Variants in ADCK2 observed in about 807,000 individuals in gnomAD.
The protein encoded by ADCK2 is aarF domain containing kinase 2.
A neutral mutation model predicts 52.3 loss-of-function variants in ADCK2; 37 were observed. The observed-to-expected ratio is 0.71, with a 90% CI of 0.54 to 0.93. The LOEUF is 0.93. ADCK2 is among the 40% of genes least tolerant of loss of function. The pLI is 0.00. For synonymous variants in ADCK2, 321 were observed against 349.2 expected (o/e 0.92, Z 0.90); for missense variants, 695 against 798.7 (o/e 0.87, Z 1.56).
chr7:140,691,635 C>G (rs767311150), intron 7 of ADCK2, among the ~76,000 whole-genome samples: 8 of 152,242 alleles, frequency 5.3e-5, no homozygotes, highest in Non-Finnish European at 7.3e-5. Flanking sequence ...GTCATGGAGC[C>G]TAGTCTCCGG....
chr7:140,689,791 T>G, intron 6 of ADCK2, 66 bp downstream of exon 6: 1 of 1,511,902 alleles, frequency 6.6e-7, no homozygotes. Flanking sequence ...GAGCAGATCC[T>G]GGGTCTAAGG....
Position 140,694,732 on chromosome 7 carries a change from C to G in ADCK2, c.1810C>G (p.Leu604Val). The change falls in exon 8 of 8, where the codon CTG becomes GTG. Residue 604 changes from leucine (L) to valine (V), a missense_variant. Physicochemically the swap from Leu to Val is conservative, Grantham distance 32 (BLOSUM62 1). Coordinates refer to ENST00000072869, the MANE Select transcript of ADCK2 (RefSeq NM_052853.4). ...GGTGTTGGAGGGGCTTGGCCGCTCA[C>G]TGGACCCCAAACTGGACATCCTGGA... Reference protein sequence around the residue: ...IMVLEGLGRSLDPKLDILEAA... With the variant: ...IMVLEGLGRSVDPKLDILEAA... 1 of 1,614,212 alleles carries G rather than the reference C, an allele frequency of 6.2e-7. No individual in the cohort carries two copies. Among genetic ancestry groups the G allele is most frequent in the Non-Finnish European group, 8.5e-7 (1 of 1,180,032 alleles).
Position 140,678,739 on chromosome 7 carries a change from C to T in ADCK2, c.1081-416C>T, listed in dbSNP as rs1326195452. Among the ~76,000 whole-genome samples the T allele has an allele frequency of 2.6e-5, 4 of 151,968 alleles. No individual in the cohort carries two copies. The highest frequency in any genetic ancestry group is 1.9e-4 in the East Asian group (1 of 5,164). On this transcript the variant is annotated intron_variant, in intron 2 of 7. Coordinates refer to ENST00000072869, the MANE Select transcript of ADCK2 (RefSeq NM_052853.4). This position sits in a 1 kb window ranked among gnomAD's most constrained non-coding sequence, Gnocchi z 4.9. ...GTCGATGCGGTGGGTGGAGAGCTGC[C>T]GCGAGATGAAGGGGTAGCCCTGTGT...
chr7:140,673,617 A>G lies in ADCK2; in HGVS notation c.287A>G (p.His96Arg), dbSNP rs753480742. 116 of 1,608,830 alleles carry G rather than the reference A, an allele frequency of 7.2e-5. No homozygotes were observed. Among genetic ancestry groups the G allele is most frequent in the Non-Finnish European group, 9.7e-5 (115 of 1,179,868 alleles). Residue 96 changes from histidine (H) to arginine (R), a missense_variant, in exon 1 of 8, where the codon CAT (histidine) becomes CGT (arginine). His to Arg is a conservative substitution (Grantham distance 29, BLOSUM62 0). Transcript: ENST00000072869. The surrounding 1 kb of genome is among the most constrained non-coding windows in gnomAD (Gnocchi z 6.4). Reference protein sequence around the residue: ...RAGPLGGVFLHLRLWLRAGAL... With the variant: ...RAGPLGGVFLRLRLWLRAGAL... ...GGACCTCTGGGCGGCGTCTTCCTGC[A>G]TCTCCGCCTCTGGCTTCGCGCCGGC...
intron 7 of ADCK2, 25 bp downstream of exon 7, chr7:140,690,838 C>T (rs780576901): frequency 1.2e-6 from 2 of 1,610,838 alleles, no homozygotes; most frequent in East Asian, 4.5e-5. Flanking sequence ...GAGGGGAGGT[C>T]TCTGGGGAAG....
At position 140,674,279 on chromosome 7, in the gene ADCK2, G is replaced by A; in HGVS notation, c.933+16G>A. The A allele has an allele frequency of 6.3e-7, 1 of 1,594,164 alleles. No individual in the cohort carries two copies. Among genetic ancestry groups the A allele is most frequent in the South Asian group, 1.1e-5 (1 of 88,886 alleles). On this transcript the variant is annotated intron_variant, in intron 1 of 7. Coordinates refer to ENST00000072869, the MANE Select transcript of ADCK2 (RefSeq NM_052853.4). The surrounding 1 kb of genome is among the most constrained non-coding windows in gnomAD (Gnocchi z 4.6). ...GGCAGTGAAAGTAAGTGTTGTGAGAGCTCACAGCTCACCTACCCACTGAGC... is the reference window on the plus strand; with the variant it reads ...GGCAGTGAAAGTAAGTGTTGTGAGAACTCACAGCTCACCTACCCACTGAGC...
In ADCK2 at chr7:140,673,476, A is replaced by T; in HGVS notation, c.146A>T (p.Lys49Met). The T allele has an allele frequency of 6.2e-7, 1 of 1,608,568 alleles. No homozygotes were observed. Among genetic ancestry groups the T allele is most frequent in the Non-Finnish European group, 8.5e-7 (1 of 1,178,358 alleles). ...LCWLLLGTLP[K>M]VVSLCGDVGE... is the part of the protein sequence containing the mutation. ...TGGCTTCTGCTGGGCACTTTGCCCA[A>T]GGTCGTCTCCCTGTGCGGGGACGTG... is the stretch of plus-strand genomic sequence containing the variant. Residue 49 changes from lysine (K) to methionine (M), a missense_variant, in exon 1 of 8, where the codon AAG becomes ATG. Coordinates refer to ENST00000072869, the MANE Select transcript of ADCK2 (RefSeq NM_052853.4). This position sits in a 1 kb window ranked among gnomAD's most constrained non-coding sequence, Gnocchi z 6.4.
In ADCK2 at chr7:140,679,246, C is replaced by T. The variant is rs200177899; in HGVS notation, c.1172C>T (p.Pro391Leu). 188 of 1,614,114 alleles carry T rather than the reference C, an allele frequency of 1.2e-4. No individual in the cohort carries two copies. The highest frequency in any genetic ancestry group is 1.4e-4 in the Non-Finnish European group (167 of 1,180,006). Residue 391 changes from proline to leucine, a missense_variant, in exon 3 of 8, where the codon CCC becomes CTC. Pro to Leu is a moderately conservative substitution (Grantham distance 98, BLOSUM62 -3). Transcript: ENST00000072869. ...GTCAAGTTCCCCACCCCTCTGCGCC[C>T]CTTTGTCACCAGAGAAGTCTTGGTG... is the stretch of plus-strand genomic sequence containing the variant. ...KAVKFPTPLRPFVTREVLVET... is the reference protein window; with the variant it reads ...KAVKFPTPLRLFVTREVLVET...
Position 140,695,052 on chromosome 7 carries a change from C to T in ADCK2, c.*249C>T, listed in dbSNP as rs1794776614. The T allele has an allele frequency of 8.1e-7, 1 of 1,234,010 alleles. No individual in the cohort carries two copies. Among genetic ancestry groups the T allele is most frequent in the Non-Finnish European group, 1.0e-6 (1 of 988,466 alleles). 76.4% of individuals were successfully genotyped at this position (1,234,010 alleles called of 1,614,324 possible). ...TGGAAGCTGGGCCAGGTGCCAGGGA[C>T]ACTCTCCTTCAGGGAAAATGTTATG... On this transcript the variant is annotated 3_prime_UTR_variant, in exon 8 of 8. Transcript: ENST00000072869.
chr7:140,681,613 C>T (rs1056553233), intron 4 of ADCK2, among the ~76,000 whole-genome samples: 1 of 151,892 alleles, frequency 6.6e-6, no homozygotes, highest in African/African-American at 2.4e-5. Context: ...AACCACCACA[C>T]CCGGCCTTTT....
At position 140,679,281 on chromosome 7, in the gene ADCK2, GAAGT is replaced by G; in HGVS notation, c.1209+2_1209+5del. 1.2e-6 allele frequency: 2 copies of G among 1,613,898 alleles called. No individual in the cohort carries two copies. The highest frequency in any genetic ancestry group is 1.7e-6 in the Non-Finnish European group (2 of 1,179,894). On this transcript the variant is annotated splice_donor_variant and coding_sequence_variant, in exon 3 of 8. Transcript: ENST00000072869. LOFTEE classifies it high-confidence loss of function. ...CAGAGAAGTCTTGGTGGAAACGTAT[GAAGT>G]AAGAGTGATGGCTTTGCCTGGCCAT... is the stretch of plus-strand genomic sequence containing the variant.
chr7:140,674,515 G>A lies in ADCK2; in HGVS notation c.934-96G>A, dbSNP rs2130778433. On this transcript the variant is annotated intron_variant, in intron 1 of 7. Coordinates refer to ENST00000072869, the MANE Select transcript of ADCK2 (RefSeq NM_052853.4). The surrounding 1 kb of genome is among the most constrained non-coding windows in gnomAD (Gnocchi z 4.6). Reference sequence around the variant, plus strand: ...CACATCCTCTTTTCTTTGATAAGAAGCCACCTGGCTCTTGCTTGGATGGTG... The same window carrying A: ...CACATCCTCTTTTCTTTGATAAGAAACCACCTGGCTCTTGCTTGGATGGTG... 1 of 1,441,096 alleles carries A rather than the reference G, an allele frequency of 6.9e-7. No homozygotes were observed. The highest frequency in any genetic ancestry group is 9.3e-7 in the Non-Finnish European group (1 of 1,073,240). The allele number at this position is 1,441,096 out of a possible 1,614,324, so 89.3% of individuals were successfully genotyped here.
intron 2 of ADCK2, among the ~76,000 whole-genome samples, chr7:140,675,301 G>A (rs926159130): frequency 6.6e-6 from 1 of 152,146 alleles, no homozygotes; most frequent in Non-Finnish European, 1.5e-5. Context: ...GAGAAAGGGA[G>A]CTCTTTATTT....
chr7:140,678,323 T>G lies in ADCK2; in HGVS notation c.1081-832T>G, dbSNP rs1321183257. Among the ~76,000 whole-genome samples the G allele has an allele frequency of 6.6e-6, 1 of 152,048 alleles. No individual in the cohort carries two copies. Among genetic ancestry groups the G allele is most frequent in the Non-Finnish European group, 1.5e-5 (1 of 67,980 alleles). Reference sequence around the variant, plus strand: ...GGGAAATTCCATTTAGGCACAGAGCTTCAGGGTCTCTGGGCTCCCACCGGG... The same window carrying G: ...GGGAAATTCCATTTAGGCACAGAGCGTCAGGGTCTCTGGGCTCCCACCGGG... On this transcript the variant is annotated intron_variant, in intron 2 of 7. Coordinates refer to ENST00000072869, the MANE Select transcript of ADCK2 (RefSeq NM_052853.4). The surrounding 1 kb of genome is among the most constrained non-coding windows in gnomAD (Gnocchi z 4.9).
Position 140,678,978 on chromosome 7 carries a change from T to G in ADCK2, c.1081-177T>G, listed in dbSNP as rs1404847544. ...AGGAGTTCACACAGAGATCTGGGAT[T>G]GCTGGGGCAGGCTGTAGCCCACGGA... On this transcript the variant is annotated intron_variant, in intron 2 of 7. Coordinates refer to ENST00000072869, the MANE Select transcript of ADCK2 (RefSeq NM_052853.4). The surrounding 1 kb of genome is among the most constrained non-coding windows in gnomAD (Gnocchi z 4.9). 3.3e-5 allele frequency among the ~76,000 whole-genome samples: 5 copies of G among 152,180 alleles called. No homozygotes were observed. The East Asian group carries it at 9.6e-4, about 29-fold the overall frequency.
rs745437692 is a variant in ADCK2 at position 140,690,828 on chromosome 7, G to C, written c.1740+15G>C. On this transcript the variant is annotated intron_variant, in intron 7 of 7. Coordinates refer to ENST00000072869, the MANE Select transcript of ADCK2 (RefSeq NM_052853.4). ...TGACTCACAAGGTGAGGGCCATTCAGAGGGGAGGTCTCTGGGGAAGGTGGG... is the reference window on the plus strand; with the variant it reads ...TGACTCACAAGGTGAGGGCCATTCACAGGGGAGGTCTCTGGGGAAGGTGGG... 1.2e-6 allele frequency: 2 copies of C among 1,613,368 alleles called. No homozygotes were observed. The highest frequency in any genetic ancestry group is 1.1e-5 in the South Asian group (1 of 91,028).
chr7:140,688,071 G>A (rs946804130), intron 5 of ADCK2, among the ~76,000 whole-genome samples: 1 of 149,552 alleles, frequency 6.7e-6, no homozygotes, highest in African/African-American at 2.5e-5. Context: ...TTGAGACAGA[G>A]TCTCGCTCTG....
chr7:140,694,299 A>C (rs1461861831), intron 7 of ADCK2, among the ~76,000 whole-genome samples: 14 of 152,192 alleles, frequency 9.2e-5, no homozygotes, highest in East Asian at 1.9e-4. Flanking sequence ...TAAATAAATA[A>C]ATACATACAT....
chr7:140,674,176 C>T lies in ADCK2; in HGVS notation c.846C>T (p.Asp282=). The T allele has an allele frequency of 6.2e-7, 1 of 1,614,004 alleles. No homozygotes were observed. The highest frequency in any genetic ancestry group is 8.5e-7 in the Non-Finnish European group (1 of 1,180,016). The stretch of plus-strand genomic sequence containing the variant: ...AAAGGCTGCTCCTCCCTAAAGCTGA[C>T]CTGGTTGGATCAAATGCAGGGGTGT... ...FLERLLLPKA[D]LVGSNAGVSR... is the part of the protein sequence containing the mutation. The change falls in exon 1 of 8, where the codon GAC becomes GAT. Residue 282 remains aspartate, a synonymous_variant. Transcript: ENST00000072869. The surrounding 1 kb of genome is among the most constrained non-coding windows in gnomAD (Gnocchi z 4.6).
Sources: allele counts gnomAD v4.1 joint callset (sites outside exome capture counted in the v4.1 genomes callset), GRCh38; gene constraint gnomAD v4.1.1; non-coding constraint Gnocchi (gnomAD v3.1); transcripts MANE v1.5; gene names NCBI Gene and HGNC (gene_info 2026-07-23, HGNC 2026-07-21).